FAM81B: variants seen among roughly 807,000 people sequenced by gnomAD.
FAM81B encodes the protein protein FAM81B.
FAM81B carries 60 observed loss-of-function variants against 58.7 expected under a neutral mutation model. The ratio of observed to expected loss-of-function variants is 1.02; its 90% CI spans 0.83 to 1.27. The LOEUF is 1.27. Ranked by LOEUF, FAM81B falls within the 50% of genes most tolerant of loss-of-function variation. The probability of loss-of-function intolerance (pLI) is 0.00; values close to 1 mark genes in which losing one functional copy is unlikely to be tolerated. For missense variants in FAM81B, 491 were observed against 522.0 expected (o/e 0.94, Z 0.58); for synonymous variants, 189 against 179.6 (o/e 1.05, Z -0.42).
intron 3 of FAM81B, among the ~76,000 whole-genome samples, chr5:95,400,506 C>T (rs1381107466): frequency 6.6e-6 from 1 of 152,132 alleles, no homozygotes; most frequent in African/African-American, 2.4e-5. Context: ...TAGGGGCCCA[C>T]TCTACTCCAG....
In FAM81B at chr5:95,450,071, G is replaced by C. The variant is rs553557552; in HGVS notation, c.1226-78G>C. The C allele has an allele frequency of 6.8e-6, 10 of 1,467,274 alleles. No homozygotes were observed. The African/African-American group carries it at 1.0e-4, about 15-fold the overall frequency. The allele number at this position is 1,467,274 out of a possible 1,614,324, so 90.9% of individuals were successfully genotyped here. ...ATTAAATGATAATCAATTATGGCAG[G>C]ACTGCCGATTAGCAACTTTTTTAAA... On this transcript the variant is annotated intron_variant, in intron 9 of 9. Coordinates refer to ENST00000283357, the MANE Select transcript of FAM81B (RefSeq NM_152548.3).
chr5:95,411,523 A>C (rs1326956328), intron 3 of FAM81B, among the ~76,000 whole-genome samples: 3 of 152,212 alleles, frequency 2.0e-5, no homozygotes, highest in Non-Finnish European at 4.4e-5. Flanking sequence ...TAAGTGGATG[A>C]ACCATATTCA....
chr5:95,415,982 A>C (rs1287782644), intron 4 of FAM81B, among the ~76,000 whole-genome samples: 1 of 152,212 alleles, frequency 6.6e-6, no homozygotes, highest in East Asian at 1.9e-4. Context: ...AAAAAAAGAC[A>C]AATCCAAAAC....
intron 6 of FAM81B, among the ~76,000 whole-genome samples, chr5:95,432,070 T>G (rs1265885736): frequency 6.6e-6 from 1 of 152,084 alleles, no homozygotes; most frequent in African/African-American, 2.4e-5. Context: ...GTTTCCCCAT[T>G]AAGCATGTTT....
rs996595245 is a variant in FAM81B, at chr5:95,448,983, A to G, written c.1225+519A>G. Among the ~76,000 whole-genome samples the G allele has an allele frequency of 2.0e-5, 3 of 152,318 alleles. 1 individual carries two copies. The South Asian group carries it at 6.2e-4, about 32-fold the overall frequency. On this transcript the variant is annotated intron_variant, in intron 9 of 9. Transcript: ENST00000283357. ...AATGGCAGCAGTGTCAAGCTGAGCT[A>G]ACATCAAAGAGGATTAATTTGAAAG... is the stretch of plus-strand genomic sequence containing the variant.
intron 5 of FAM81B, among the ~76,000 whole-genome samples, chr5:95,423,880 T>C (rs1762753525): frequency 6.6e-6 from 1 of 152,190 alleles, no homozygotes; most frequent in Non-Finnish European, 1.5e-5. Context: ...TCAACAGTCA[T>C]AATTTTGAGA....
intron 4 of FAM81B, among the ~76,000 whole-genome samples, chr5:95,416,474 A>C (rs754090317): frequency 6.6e-6 from 1 of 152,152 alleles, no homozygotes; most frequent in African/African-American, 2.4e-5. Flanking sequence ...TATATATAGC[A>C]TTGTTTTACT....
chr5:95,439,152 C>CA (rs1350183235), intron 7 of FAM81B, among the ~76,000 whole-genome samples: 1 of 144,748 alleles, frequency 6.9e-6, no homozygotes, highest in Non-Finnish European at 1.5e-5. Flanking sequence ...CCACAAGAAA[C>CA]AAAAAAAGTA....
chr5:95,394,413 G>T (rs1221559097), intron 2 of FAM81B, among the ~76,000 whole-genome samples: 1 of 152,116 alleles, frequency 6.6e-6, no homozygotes, highest in Non-Finnish European at 1.5e-5. Flanking sequence ...GGTTGCTGAG[G>T]AAATGCCAAA....
intron 9 of FAM81B, 106 bp downstream of exon 9, chr5:95,448,570 A>G (rs2152771395): frequency 2.9e-6 from 3 of 1,026,368 alleles, no homozygotes; most frequent in Non-Finnish European, 4.2e-6. Context: ...GTCATTAGTG[A>G]CATCGTTATG....
rs534515639 is a variant in FAM81B, at chr5:95,399,431, A to G, written c.293+3256A>G. Among the ~76,000 whole-genome samples, 424 of 152,266 alleles carry G rather than the reference A, an allele frequency of 2.8e-3. 2 individuals are homozygous for G. Among genetic ancestry groups the G allele is most frequent in the Admixed American group, 5.0e-3 (77 of 15,300 alleles). Reference sequence around the variant, plus strand: ...AGATCATGTTAGGTTGGATGGTGCTACTATCAGCCACAGTGCAGTCTTTTG... The same window carrying G: ...AGATCATGTTAGGTTGGATGGTGCTGCTATCAGCCACAGTGCAGTCTTTTG... On this transcript the variant is annotated intron_variant, in intron 3 of 9. Transcript: ENST00000283357.
Position 95,428,853 on chromosome 5 carries a change from G to A in FAM81B, c.786+121G>A, listed in dbSNP as rs974647855. 11 of 1,362,566 alleles carry A rather than the reference G, an allele frequency of 8.1e-6. No individual in the cohort carries two copies. In the African/African-American group the frequency reaches 1.5e-4, roughly 18 times the overall value. 84.4% of individuals were successfully genotyped at this position (1,362,566 alleles called of 1,614,324 possible). Reference sequence around the variant, plus strand: ...AGAGAACTCTTTTCTTCCAAAGGGTGTAATTCTGACAGCTCACTCATATAC... The same window carrying A: ...AGAGAACTCTTTTCTTCCAAAGGGTATAATTCTGACAGCTCACTCATATAC... On this transcript the variant is annotated intron_variant, in intron 6 of 9. Transcript: ENST00000283357.
intron 3 of FAM81B, among the ~76,000 whole-genome samples, chr5:95,411,683 C>T (rs912426734): frequency 2.6e-5 from 4 of 152,152 alleles, no homozygotes; most frequent in African/African-American, 4.8e-5. Flanking sequence ...TGAGTCACTA[C>T]GGCATATGCA....
At position 95,404,760 on chromosome 5, in the gene FAM81B, G is replaced by A. The variant is rs1011434631; in HGVS notation, c.293+8585G>A. ...TTGGGGGACTGTGCAGAACATGCTA[G>A]AAAAGTGCCTCACATAGGGAGCTCT... On this transcript the variant is annotated intron_variant, in intron 3 of 9. Transcript: ENST00000283357. 4.6e-5 allele frequency among the ~76,000 whole-genome samples: 7 copies of A among 152,320 alleles called. No homozygotes were observed. In the East Asian group the frequency reaches 1.3e-3, roughly 29 times the overall value.
intron 3 of FAM81B, among the ~76,000 whole-genome samples, chr5:95,410,532 AT>A (rs1762379217): frequency 1.3e-5 from 2 of 152,186 alleles, no homozygotes. Context: ...GCAAATAGTT[AT>A]TTTGGCTCAT....
chr5:95,424,209 G>A (rs1327756956), intron 5 of FAM81B: 1 of 1,289,628 alleles, frequency 7.8e-7, no homozygotes, highest in African/African-American at 1.5e-5. Context: ...AACATTCAAA[G>A]ACATAATAGT....
chr5:95,400,941 A>C (rs1762096619), intron 3 of FAM81B, among the ~76,000 whole-genome samples: 1 of 146,420 alleles, frequency 6.8e-6, no homozygotes, highest in Non-Finnish European at 1.5e-5. Flanking sequence ...ACCCCCAAAG[A>C]CCAAAGTAAT....
intron 3 of FAM81B, among the ~76,000 whole-genome samples, chr5:95,406,738 G>T (rs891489861): frequency 6.6e-6 from 1 of 152,026 alleles, no homozygotes; most frequent in Non-Finnish European, 1.5e-5. Context: ...AGTCCTTCAG[G>T]ATTTTGTAAG....
chr5:95,422,697 A>G (rs1329717511), intron 5 of FAM81B, among the ~76,000 whole-genome samples: 13 of 152,236 alleles, frequency 8.5e-5, no homozygotes, highest in Admixed American at 7.9e-4. Context: ...ATTTGGTGGT[A>G]TGCTGATGAC....
Sources: gnomAD v4.1 joint callset for allele counts (sites outside exome capture counted in the v4.1 genomes callset) on GRCh38, gnomAD v4.1.1 for gene constraint, MANE v1.5 for transcripts, NCBI Gene and HGNC (gene_info 2026-07-23, HGNC 2026-07-21) for gene names.